CAMTA1: variants seen among roughly 807,000 people sequenced by gnomAD.
The protein encoded by CAMTA1 is calmodulin binding transcription activator 1, also known as calmodulin-binding transcription activator 1.
CAMTA1 carries 27 observed loss-of-function variants against 170.9 expected under a neutral mutation model. The ratio of observed to expected loss-of-function variants is 0.16; its 90% confidence interval spans 0.12 to 0.22. CAMTA1 has a LOEUF of 0.22. Ranked by LOEUF, CAMTA1 falls within the 10% of genes least tolerant of loss-of-function variation. The pLI, the probability that CAMTA1 is intolerant of heterozygous loss-of-function variation, is 1.00. For synonymous variants in CAMTA1, 833 were observed against 891.5 expected, an observed-to-expected ratio of 0.93 and a Z score of 1.17; for missense variants, 1,619 against 2,217.2, an observed-to-expected ratio of 0.73 and a Z score of 5.42.
rs539312427 is a variant in CAMTA1, at chr1:6,909,627, C to CTAAGG, written c.234+84418_234+84422dup. On this transcript the variant is annotated intron_variant, in intron 3 of 22. Transcript: ENST00000303635. The stretch of plus-strand genomic sequence containing the variant: ...ATGGGGCGTGGAGGGCTCTGGTCTC[C>CTAAGG]TAAGGGGCCTCTGCCTGCCTGTGAG... Among the ~76,000 whole-genome samples the CTAAGG allele has an allele frequency of 9.2e-5, 14 of 152,332 alleles. No homozygotes were observed. In the East Asian group the frequency reaches 2.5e-3, roughly 27 times the overall value.
At chr1:6,939,776 C>G (rs1686107001) in intron 3 of CAMTA1, among the ~76,000 whole-genome samples, 1 of 152,244 alleles carries the variant, frequency 6.6e-6, no homozygotes, top group South Asian at 2.1e-4. Flanking sequence ...GCGCAGGGCT[C>G]TGTTTTCATC....
intron 3 of CAMTA1, among the ~76,000 whole-genome samples, chr1:6,828,039 C>CA (rs993934350): frequency 5.3e-5 from 8 of 152,124 alleles, no homozygotes; most frequent in Non-Finnish European, 8.8e-5. Flanking sequence ...CATATGTTCA[C>CA]AAAGTAAGAC....
chr1:7,344,147 G>A (rs575450716), intron 5 of CAMTA1, among the ~76,000 whole-genome samples: 2 of 152,234 alleles, frequency 1.3e-5, no homozygotes, highest in South Asian at 2.1e-4. Context: ...CACCACACTC[G>A]GGACCTGAGA....
chr1:6,831,658 CTATTT>C (rs1168195113), intron 3 of CAMTA1, among the ~76,000 whole-genome samples: 1 of 152,138 alleles, frequency 6.6e-6, no homozygotes, highest in African/African-American at 2.4e-5. Flanking sequence ...TTGTGTGTTA[CTATTT>C]TTGAACTAAT....
At chr1:6,949,429 A>G (rs1256388383) in intron 3 of CAMTA1, among the ~76,000 whole-genome samples, 1 of 152,204 alleles carries the variant, frequency 6.6e-6, no homozygotes, top group African/African-American at 2.4e-5. Flanking sequence ...GTGGGTGAGA[A>G]TCTCTGCAAG....
intron 6 of CAMTA1, among the ~76,000 whole-genome samples, chr1:7,491,018 C>T (rs1268550601): frequency 6.6e-6 from 1 of 152,190 alleles, no homozygotes; most frequent in African/African-American, 2.4e-5. Flanking sequence ...ATGTCATTTT[C>T]TTTGAATTTG....
chr1:7,025,613 C>T (rs1701917390), intron 3 of CAMTA1, among the ~76,000 whole-genome samples: 1 of 152,132 alleles, frequency 6.6e-6, no homozygotes, highest in African/African-American at 2.4e-5. Flanking sequence ...TTCAGACATT[C>T]CCTCTCCCAT....
intron 7 of CAMTA1, among the ~76,000 whole-genome samples, chr1:7,654,742 TACAC>T (rs1311365334): frequency 4.9e-5 from 3 of 60,948 alleles, no homozygotes; most frequent in Non-Finnish European, 1.0e-4. Context: ...CACACACCTA[TACAC>T]ACACATATAC....
At chr1:7,401,582 G>T (rs1370760332) in intron 5 of CAMTA1, among the ~76,000 whole-genome samples, 4 of 151,932 alleles carry the variant, frequency 2.6e-5, no homozygotes, top group Non-Finnish European at 5.9e-5. Context: ...GATCAGTTTG[G>T]GGAGAATTAA....
intron 3 of CAMTA1, among the ~76,000 whole-genome samples, chr1:6,967,679 A>T (rs982163869): frequency 6.6e-6 from 1 of 152,154 alleles, no homozygotes; most frequent in Non-Finnish European, 1.5e-5. Flanking sequence ...CCAGCATTTG[A>T]AAAGTCTGGG....
Position 7,010,539 on chromosome 1 carries a change from C to T in CAMTA1, c.235-80765C>T, listed in dbSNP as rs1255240977. Among the ~76,000 whole-genome samples the T allele has an allele frequency of 6.6e-6, 1 of 152,172 alleles. No individual in the cohort carries two copies. Among genetic ancestry groups the T allele is most frequent in the African/African-American group, 2.4e-5 (1 of 41,434 alleles). On this transcript the variant is annotated intron_variant, in intron 3 of 22. Coordinates refer to ENST00000303635, the MANE Select transcript of CAMTA1 (RefSeq NM_015215.4). The surrounding 1 kb of genome is among the most constrained non-coding windows in gnomAD (Gnocchi z 4.4). ...AAATAGACTTTGGAGGTGGAAAGAC[C>T]TGAGTTCAAATCTCGGACCCACTAC...
chr1:6,922,659 C>G (rs1316647681), intron 3 of CAMTA1, among the ~76,000 whole-genome samples: 1 of 152,190 alleles, frequency 6.6e-6, no homozygotes, highest in Non-Finnish European at 1.5e-5. Flanking sequence ...CCTTGAAAGT[C>G]ACACGGCATC....
intron 6 of CAMTA1, among the ~76,000 whole-genome samples, chr1:7,576,385 C>T (rs372279216): frequency 6.6e-6 from 1 of 152,150 alleles, no homozygotes; most frequent in African/African-American, 2.4e-5. Flanking sequence ...TCCTAGCCCC[C>T]ACAGTGATGG....
At chr1:7,245,425 A>G (rs976547872) in intron 4 of CAMTA1, among the ~76,000 whole-genome samples, 1 of 151,770 alleles carries the variant, frequency 6.6e-6, no homozygotes, top group Admixed American at 6.6e-5. Flanking sequence ...GATCTTATAG[A>G]AGATGTATCT....
intron 6 of CAMTA1, among the ~76,000 whole-genome samples, chr1:7,492,469 C>T (rs1012732011): frequency 1.3e-5 from 2 of 152,228 alleles, no homozygotes; most frequent in East Asian, 1.9e-4. Flanking sequence ...CAGGAGGCAG[C>T]AGTGAAGGAT....
intron 4 of CAMTA1, among the ~76,000 whole-genome samples, chr1:7,226,818 A>T (rs1661779905): frequency 6.6e-6 from 1 of 152,126 alleles, no homozygotes; most frequent in South Asian, 2.1e-4. Flanking sequence ...AAAGCAGTTA[A>T]CTGAAGCCTT....
In CAMTA1 at chr1:7,503,631, C is replaced by T. The variant is rs542832847; in HGVS notation, c.510+35730C>T. Among the ~76,000 whole-genome samples the T allele has an allele frequency of 1.4e-4, 22 of 152,306 alleles. No homozygotes were observed. In the South Asian group the frequency reaches 2.1e-3, roughly 14 times the overall value. On this transcript the variant is annotated intron_variant, in intron 6 of 22. Transcript: ENST00000303635. ...ACAGTGGCCAGGCTGCTTCATAAGA[C>T]GCCTGGTGGTGAGTAAAACCCCAAG...
rs147192213 is a variant in CAMTA1 at position 7,080,385 on chromosome 1, A to G, written c.235-10919A>G. Among the ~76,000 whole-genome samples, 300 of 152,328 alleles carry G rather than the reference A, an allele frequency of 2.0e-3. 1 individual carries two copies. The highest frequency in any genetic ancestry group is 5.0e-3 in the Admixed American group (77 of 15,300). On this transcript the variant is annotated intron_variant, in intron 3 of 22. Coordinates refer to ENST00000303635, the MANE Select transcript of CAMTA1 (RefSeq NM_015215.4). ...CTGGCTGGCATCTAGGAAACTTGCT[A>G]TAAAGACCTCAATACGGCAATTTGA... is the stretch of plus-strand genomic sequence containing the variant.
chr1:7,422,772 C>T (rs1300936953), intron 5 of CAMTA1, among the ~76,000 whole-genome samples: 2 of 152,136 alleles, frequency 1.3e-5, no homozygotes, highest in Non-Finnish European at 2.9e-5. Context: ...TGGCACATGC[C>T]ACCTGGACAC....
Sources: allele counts gnomAD v4.1 joint callset (sites outside exome capture counted in the v4.1 genomes callset), GRCh38; gene constraint gnomAD v4.1.1; non-coding constraint Gnocchi (gnomAD v3.1); transcripts MANE v1.5; gene names NCBI Gene and HGNC (gene_info 2026-07-23, HGNC 2026-07-21).